The following MEOX2 variants were observed in gnomAD, a reference collection of about 807,000 sequenced individuals.
MEOX2 encodes the protein homeobox protein MOX-2.
In MEOX2, 11 loss-of-function variants were observed where a neutral mutation model predicts 27.0. The observed-to-expected ratio is 0.41, with a 90% CI of 0.26 to 0.68. The LOEUF is 0.68. Among genes scored for constraint, MEOX2 ranks in the 30% least tolerant of loss-of-function variants. MEOX2 has a pLI of 0.33. For synonymous variants in MEOX2, 189 were observed against 155.4 expected (o/e 1.22, Z -1.61); for missense variants, 436 against 385.4 (o/e 1.13, Z -1.10).
intron 1 of MEOX2, among the ~76,000 whole-genome samples, chr7:15,644,111 C>T (rs993104708): frequency 1.3e-5 from 2 of 152,164 alleles, no homozygotes; most frequent in African/African-American, 2.4e-5. Context: ...TCTGTTTTCT[C>T]CTAGCCTAGC....
chr7:15,644,769 C>G (rs1343325691), intron 1 of MEOX2, among the ~76,000 whole-genome samples: 4 of 152,212 alleles, frequency 2.6e-5, no homozygotes, highest in African/African-American at 9.6e-5. Flanking sequence ...GTGAATTATA[C>G]CCAGTTGTGT....
intron 2 of MEOX2, among the ~76,000 whole-genome samples, chr7:15,616,500 A>C (rs1781125548): frequency 6.6e-6 from 1 of 151,940 alleles, no homozygotes; most frequent in African/African-American, 2.4e-5. Flanking sequence ...ATTGTCATTA[A>C]TGTAGGACAG....
At chr7:15,663,842 G>C (rs978651860) in intron 1 of MEOX2, among the ~76,000 whole-genome samples, 3 of 152,094 alleles carry the variant, frequency 2.0e-5, no homozygotes, top group Non-Finnish European at 2.9e-5. Context: ...CAATCACTAA[G>C]CTGCTGGAAG....
chr7:15,649,439 A>C (rs941274785), intron 1 of MEOX2, among the ~76,000 whole-genome samples: 1 of 152,064 alleles, frequency 6.6e-6, no homozygotes, highest in African/African-American at 2.4e-5. Context: ...ATGATGAAAG[A>C]TGGAAAAATC....
At chr7:15,668,177 G>C (rs570790997) in intron 1 of MEOX2, 1 of 151,924 alleles carries the variant, frequency 6.6e-6, no homozygotes, top group Admixed American at 6.6e-5. Flanking sequence ...ATTTTCTTCC[G>C]CCTCTCCTAC....
At chr7:15,634,372 C>T (rs963263036) in intron 1 of MEOX2, among the ~76,000 whole-genome samples, 1 of 151,932 alleles carries the variant, frequency 6.6e-6, no homozygotes, top group African/African-American at 2.4e-5. Context: ...CAAACCTCAA[C>T]CCTAATTTTA....
At chr7:15,662,815 ACT>A (rs1781938597) in intron 1 of MEOX2, among the ~76,000 whole-genome samples, 1 of 152,194 alleles carries the variant, frequency 6.6e-6, no homozygotes, top group Non-Finnish European at 1.5e-5. Context: ...AAGATTCATG[ACT>A]GAATGCAGGA....
chr7:15,626,809 A>G lies in MEOX2; in HGVS notation c.627T>C (p.His209=), dbSNP rs759433211. ...IRELEAEFAH[H]NYLTRLRRYE... ...ATCGCCTCAGTCTGGTGAGATAATT[A>G]TGATGGGCAAATTCTGCTTCAAGTT... The change falls in exon 2 of 3, where the codon CAT becomes CAC. Residue 209 remains histidine, a synonymous_variant. Transcript: ENST00000262041. The G allele has an allele frequency of 6.2e-7, 1 of 1,610,690 alleles. No homozygotes were observed. The highest frequency in any genetic ancestry group is 1.4e-5 in the African/African-American group (1 of 73,958).
chr7:15,650,039 T>G (rs1407716581), intron 1 of MEOX2, among the ~76,000 whole-genome samples: 5 of 152,052 alleles, frequency 3.3e-5, no homozygotes, highest in African/African-American at 1.2e-4. Context: ...ATCAAATGTT[T>G]TAAGGATCAG....
intron 1 of MEOX2, among the ~76,000 whole-genome samples, chr7:15,684,363 G>C (rs964567543): frequency 6.6e-6 from 1 of 152,116 alleles, no homozygotes; most frequent in Non-Finnish European, 1.5e-5. Flanking sequence ...TTTTTGCTAT[G>C]ATTAACCTTT....
At chr7:15,624,711 A>G (rs1053751186) in intron 2 of MEOX2, among the ~76,000 whole-genome samples, 1 of 152,168 alleles carries the variant, frequency 6.6e-6, no homozygotes, top group Non-Finnish European at 1.5e-5. Context: ...AACTAAGCCC[A>G]GTCAAAATCT....
intron 2 of MEOX2, among the ~76,000 whole-genome samples, chr7:15,624,488 A>C (rs555287942): frequency 6.6e-4 from 101 of 152,292 alleles, no homozygotes; most frequent in Non-Finnish European, 1.2e-3. Context: ...GGACACTAGC[A>C]AATATGACGT....
chr7:15,669,975 G>A (rs980589406), intron 1 of MEOX2, among the ~76,000 whole-genome samples: 6 of 152,112 alleles, frequency 3.9e-5, no homozygotes, highest in African/African-American at 1.4e-4. Flanking sequence ...CCAGAAAAAT[G>A]TCTCCTCCCC....
In MEOX2 at chr7:15,611,291, A is replaced by G. The variant is rs1053538848; in HGVS notation, c.*1096T>C. On this transcript the variant is annotated 3_prime_UTR_variant, in exon 3 of 3. Transcript: ENST00000262041. ...GTTGTTCTGCATGAATACATCACAT[A>G]TGAAAAAATAATGTGTTTTTACCGA... The G allele has an allele frequency of 1.3e-5, 2 of 152,204 alleles. No homozygotes were observed. The highest frequency in any genetic ancestry group is 2.9e-5 in the Non-Finnish European group (2 of 68,014). 9.4% of individuals were successfully genotyped at this position (152,204 alleles called of 1,614,324 possible).
intron 1 of MEOX2, among the ~76,000 whole-genome samples, chr7:15,662,352 T>A (rs1781931201): frequency 6.6e-6 from 1 of 152,034 alleles, no homozygotes; most frequent in South Asian, 2.1e-4. Flanking sequence ...CTAAAAGCAA[T>A]TAAGTAGATA....
intron 1 of MEOX2, among the ~76,000 whole-genome samples, chr7:15,632,538 A>T (rs1163250864): frequency 2.0e-5 from 3 of 151,938 alleles, no homozygotes; most frequent in Non-Finnish European, 4.4e-5. Context: ...TAATGTCATG[A>T]TTAATGTGCA....
At chr7:15,634,535 G>A (rs766333735) in intron 1 of MEOX2, among the ~76,000 whole-genome samples, 3 of 151,984 alleles carry the variant, frequency 2.0e-5, no homozygotes, top group African/African-American at 7.2e-5. Context: ...CCAGATATCT[G>A]TAGTTTAATT....
At chr7:15,641,226 A>G (rs1167694964) in intron 1 of MEOX2, among the ~76,000 whole-genome samples, 3 of 152,208 alleles carry the variant, frequency 2.0e-5, no homozygotes, top group African/African-American at 4.8e-5. Flanking sequence ...CAGAATTTCA[A>G]TGTCTTCCTG....
chr7:15,621,928 C>T (rs1034292865), intron 2 of MEOX2, among the ~76,000 whole-genome samples: 1 of 152,082 alleles, frequency 6.6e-6, no homozygotes. Context: ...ACCAGCCTGG[C>T]CAAGATGGTG....
Sources: gnomAD v4.1 joint callset for allele counts (sites outside exome capture counted in the v4.1 genomes callset) on GRCh38, gnomAD v4.1.1 for gene constraint, MANE v1.5 for transcripts, NCBI Gene and HGNC (gene_info 2026-07-23, HGNC 2026-07-21) for gene names.